TES: variants seen among roughly 807,000 people sequenced by gnomAD.
TES encodes testin.
TES carries 41 observed loss-of-function variants against 48.2 expected under a neutral mutation model. That is an observed-to-expected ratio of 0.85 (90% CI 0.66 to 1.10). The LOEUF (loss-of-function observed/expected upper bound fraction) is 1.10. Ranked by LOEUF, TES falls within the 50% of genes least tolerant of loss-of-function variation. The pLI, the probability that TES is intolerant of heterozygous loss-of-function variation, is 0.00. For synonymous variants in TES, 162 were observed against 174.9 expected (o/e 0.93, Z 0.58); for missense variants, 463 against 515.1 (o/e 0.90, Z 0.98).
At chr7:116,228,855 A>G (rs1194890300) in intron 1 of TES, among the ~76,000 whole-genome samples, 3 of 151,764 alleles carry the variant, frequency 2.0e-5, no homozygotes, top group Non-Finnish European at 4.4e-5. Flanking sequence ...CATTATCTAG[A>G]TGAAGCCTAA....
At chr7:116,223,598 G>A (rs1215428199) in intron 1 of TES, among the ~76,000 whole-genome samples, 1 of 152,060 alleles carries the variant, frequency 6.6e-6, no homozygotes, top group Non-Finnish European at 1.5e-5. Flanking sequence ...GAAAGAAAAT[G>A]AGACTTAGAG....
chr7:116,221,792 G>T lies in TES; in HGVS notation c.27+11058G>T, dbSNP rs3757729. Among the ~76,000 whole-genome samples, 655 of 152,192 alleles carry T rather than the reference G, an allele frequency of 4.3e-3. 23 individuals are homozygous for T. The East Asian group carries it at 0.086, about 20-fold the overall frequency. The stretch of plus-strand genomic sequence containing the variant: ...GAATCTGATTTTGATTTTTGTGCTT[G>T]TTGTTCCATTAAAGTGAAGGAAAAT... On this transcript the variant is annotated intron_variant, in intron 1 of 6. Transcript: ENST00000358204.
intron 1 of TES, among the ~76,000 whole-genome samples, chr7:116,214,257 CA>C (rs1423952986): frequency 1.3e-5 from 2 of 151,910 alleles, no homozygotes; most frequent in Non-Finnish European, 2.9e-5. Flanking sequence ...TGTCATTAGC[CA>C]AAAAAGCATA....
chr7:116,244,628 G>C (rs983730032), intron 2 of TES, among the ~76,000 whole-genome samples: 9 of 152,158 alleles, frequency 5.9e-5, no homozygotes, highest in African/African-American at 2.2e-4. Flanking sequence ...TCCCATTCTG[G>C]GGTCTGGAGG....
In TES at chr7:116,257,595, C is replaced by G; in HGVS notation, c.*113C>G. 2 of 1,027,004 alleles carry G rather than the reference C, an allele frequency of 1.9e-6. No individual in the cohort carries two copies. The highest frequency in any genetic ancestry group is 8.0e-5 in the South Asian group (2 of 25,106). 63.6% of individuals were successfully genotyped at this position (1,027,004 alleles called of 1,614,324 possible). ...CAAAAAAAGAAACTGTAAAGGAAAC[C>G]AAGAGATTTTGTTTAATTTTTTTGG... On this transcript the variant is annotated 3_prime_UTR_variant, in exon 7 of 7. Transcript: ENST00000358204.
rs758843458 is a variant in TES at position 116,251,976 on chromosome 7, G to T, written c.918+1G>T. ...ACCCCGATGTGCTGGCTGTGACGAG[G>T]TATGTTCTATGGGACCACCGGCATG... On this transcript the variant is annotated splice_donor_variant, in intron 5 of 6. Coordinates refer to ENST00000358204, the MANE Select transcript of TES (RefSeq NM_015641.4). LOFTEE classifies it high-confidence loss of function. The T allele has an allele frequency of 4.3e-6, 7 of 1,613,980 alleles. No individual in the cohort carries two copies. Among genetic ancestry groups the T allele is most frequent in the Non-Finnish European group, 5.9e-6 (7 of 1,179,958 alleles).
intron 6 of TES, among the ~76,000 whole-genome samples, chr7:116,254,760 G>GTGTGTA (rs1563016510): frequency 2.2e-3 from 194 of 87,144 alleles, no homozygotes; most frequent in African/African-American, 0.011. Context: ...ATATATATAT[G>GTGTGTA]TGTGTGTGTG....
chr7:116,218,270 C>A (rs552196717), intron 1 of TES, among the ~76,000 whole-genome samples: 12 of 151,494 alleles, frequency 7.9e-5, no homozygotes, highest in African/African-American at 2.9e-4. Flanking sequence ...TCAGGGTGTT[C>A]ATTGCATAGC....
chr7:116,244,060 CACA>C (rs1194829662), intron 2 of TES: 2 of 152,168 alleles, frequency 1.3e-5, no homozygotes, highest in Non-Finnish European at 2.9e-5. Flanking sequence ...ATGTCCCTCC[CACA>C]ACACGTGGGG....
intron 2 of TES, among the ~76,000 whole-genome samples, chr7:116,238,671 G>A (rs1048936546): frequency 2.6e-5 from 4 of 151,450 alleles, no homozygotes; most frequent in Admixed American, 6.6e-5. Context: ...GTGCGATCTC[G>A]GCTCACTGCA....
chr7:116,244,851 T>G (rs1329842350), intron 2 of TES, among the ~76,000 whole-genome samples: 1 of 152,208 alleles, frequency 6.6e-6, no homozygotes, highest in Non-Finnish European at 1.5e-5. Context: ...TGTTGTCTTC[T>G]GCATACCTGC....
At chr7:116,229,576 T>C (rs1284243345) in intron 1 of TES, among the ~76,000 whole-genome samples, 3 of 152,176 alleles carry the variant, frequency 2.0e-5, no homozygotes, top group Admixed American at 1.3e-4. Context: ...AAATAGGCCC[T>C]AAGAAACTGT....
intron 2 of TES, among the ~76,000 whole-genome samples, chr7:116,248,360 G>C (rs1799956308): frequency 6.6e-6 from 1 of 152,128 alleles, no homozygotes; most frequent in African/African-American, 2.4e-5. Flanking sequence ...TAAGTTCTTT[G>C]AGAAATCTCC....
chr7:116,241,079 A>G (rs376767216), intron 2 of TES, among the ~76,000 whole-genome samples: 57 of 152,186 alleles, frequency 3.7e-4, no homozygotes, highest in African/African-American at 1.3e-3. Context: ...TGAATATGTG[A>G]TAAACGTCCC....
At chr7:116,240,855 TAAAC>T (rs1192153028) in intron 2 of TES, among the ~76,000 whole-genome samples, 4 of 152,138 alleles carry the variant, frequency 2.6e-5, no homozygotes, top group South Asian at 2.1e-4. Flanking sequence ...CACAAATAAA[TAAAC>T]AAGCTGTTTA....
chr7:116,246,946 C>CTTTTTTTTTTTTTTTTTTT (rs148032626), intron 2 of TES, among the ~76,000 whole-genome samples: 2 of 131,044 alleles, frequency 1.5e-5, no homozygotes, highest in Non-Finnish European at 3.2e-5. Flanking sequence ...AGACTAGGCC[C>CTTTTTTTTTTTTTTTTTTT]CTTTTTTTTT....
At chr7:116,227,058 T>C (rs1272791026) in intron 1 of TES, among the ~76,000 whole-genome samples, 1 of 151,960 alleles carries the variant, frequency 6.6e-6, no homozygotes, top group Non-Finnish European at 1.5e-5. Context: ...TATATTTAAG[T>C]TTGGTTTTCT....
rs997032215 is a variant in TES at position 116,257,573 on chromosome 7, A to T, written c.*91A>T. The T allele has an allele frequency of 1.7e-6, 2 of 1,151,128 alleles. No individual in the cohort carries two copies. The highest frequency in any genetic ancestry group is 2.3e-6 in the Non-Finnish European group (2 of 882,266). 71.3% of individuals were successfully genotyped at this position (1,151,128 alleles called of 1,614,324 possible). ...GCAATTTGAAAAAAATAAAACGCAA[A>T]AAAAGAAACTGTAAAGGAAACCAAG... On this transcript the variant is annotated 3_prime_UTR_variant, in exon 7 of 7. Coordinates refer to ENST00000358204, the MANE Select transcript of TES (RefSeq NM_015641.4).
At position 116,210,655 on chromosome 7, in the gene TES, C is replaced by G; in HGVS notation, c.-53C>G. 1 of 1,300,686 alleles carries G rather than the reference C, an allele frequency of 7.7e-7. No individual in the cohort carries two copies. Among genetic ancestry groups the G allele is most frequent in the South Asian group, 2.5e-5 (1 of 40,788 alleles). The allele number at this position is 1,300,686 out of a possible 1,614,324, so 80.6% of individuals were successfully genotyped here. Reference sequence around the variant, plus strand: ...CAGCGGAGCCGGAGGCCAGCTGAACCCGGCCGTGGGATCCCGGATAGGAGG... The same window carrying G: ...CAGCGGAGCCGGAGGCCAGCTGAACGCGGCCGTGGGATCCCGGATAGGAGG... On this transcript the variant is annotated 5_prime_UTR_variant, in exon 1 of 7. Transcript: ENST00000358204.
Sources: allele counts gnomAD v4.1 joint callset (sites outside exome capture counted in the v4.1 genomes callset), GRCh38; gene constraint gnomAD v4.1.1; transcripts MANE v1.5; gene names NCBI Gene and HGNC (gene_info 2026-07-23, HGNC 2026-07-21).